The following MYO18B variants were observed in gnomAD, a reference collection of about 807,000 sequenced individuals.
The protein encoded by MYO18B is myosin XVIIIB.
Under a neutral mutation model 273.0 loss-of-function variants are expected in MYO18B, and 204 were observed. That is an observed-to-expected ratio of 0.75 (90% confidence interval 0.67 to 0.84). MYO18B has a LOEUF of 0.84. MYO18B is among the 40% of genes least tolerant of loss of function. The probability of loss-of-function intolerance (pLI) is 0.00; values close to 1 mark genes in which losing one functional copy is unlikely to be tolerated. For missense variants in MYO18B, 3,212 were observed against 3,287.6 expected (o/e 0.98, Z 0.56); for synonymous variants, 1,330 against 1,305.7 (o/e 1.02, Z -0.40).
At chr22:26,008,567 C>T (rs1040701796) in intron 42 of MYO18B, among the ~76,000 whole-genome samples, 5 of 152,218 alleles carry the variant, frequency 3.3e-5, no homozygotes, top group African/African-American at 1.2e-4. Context: ...AAGAGAAATA[C>T]ACCTAAAGCG....
At chr22:25,771,511 T>C (rs2086719614) in intron 6 of MYO18B, among the ~76,000 whole-genome samples, 1 of 152,188 alleles carries the variant, frequency 6.6e-6, no homozygotes, top group Non-Finnish European at 1.5e-5. Flanking sequence ...TGAGGACAAG[T>C]CCCAGTGTAG....
At chr22:26,049,783 C>A in the MYO18B span, among the ~76,000 whole-genome samples, 1 of 152,210 alleles carries the variant, frequency 6.6e-6, no homozygotes, top group African/African-American at 2.4e-5. Context: ...TTAGGCAAAT[C>A]ATGTTACCTC....
intron 8 of MYO18B, 127 bp downstream of exon 8, chr22:25,777,908 A>AT: frequency 1.1e-6 from 1 of 896,382 alleles, no homozygotes; most frequent in Non-Finnish European, 1.6e-6. Flanking sequence ...TGCAGACCCC[A>AT]TGCTTGCTAC....
intron 34 of MYO18B, among the ~76,000 whole-genome samples, chr22:25,942,363 T>C (rs987889941): frequency 6.6e-6 from 1 of 152,248 alleles, no homozygotes; most frequent in African/African-American, 2.4e-5. Context: ...TCTGTCATTT[T>C]ACAGACTCCC....
At chr22:25,848,994 C>T (rs1392225601) in intron 20 of MYO18B, among the ~76,000 whole-genome samples, 4 of 152,344 alleles carry the variant, frequency 2.6e-5, no homozygotes, top group South Asian at 2.1e-4. Context: ...ACCCTCACTC[C>T]GCTGAGCATA....
intron 33 of MYO18B, among the ~76,000 whole-genome samples, chr22:25,917,896 A>G (rs2092286781): frequency 6.6e-6 from 1 of 152,122 alleles, no homozygotes; most frequent in South Asian, 2.1e-4. Flanking sequence ...TTTTACTAAC[A>G]TTAATTTTCA....
intron 27 of MYO18B, chr22:25,892,330 C>G (rs2091683449): frequency 6.6e-6 from 1 of 152,244 alleles, no homozygotes; most frequent in Non-Finnish European, 1.5e-5. Flanking sequence ...GTGTCAGGCG[C>G]ACAACAGTTA....
chr22:25,994,018 G>A (rs923061238), intron 40 of MYO18B, among the ~76,000 whole-genome samples: 2 of 152,040 alleles, frequency 1.3e-5, no homozygotes, highest in Admixed American at 6.5e-5. Context: ...TGTAAGTTAT[G>A]TACTCCATAC....
At chr22:26,046,381 A>G in the MYO18B span, among the ~76,000 whole-genome samples, 2 of 152,144 alleles carry the variant, frequency 1.3e-5, no homozygotes, top group African/African-American at 4.8e-5. Context: ...CTAACTCAGA[A>G]TTTTTCTAAA....
chr22:25,952,041 A>C (rs1458289164), intron 37 of MYO18B, among the ~76,000 whole-genome samples: 2 of 152,214 alleles, frequency 1.3e-5, no homozygotes, highest in African/African-American at 4.8e-5. Flanking sequence ...TTGTGAAGGC[A>C]TAAGAAGCAT....
At chr22:25,975,600 G>T (rs2093080604) in intron 39 of MYO18B, among the ~76,000 whole-genome samples, 1 of 152,172 alleles carries the variant, frequency 6.6e-6, no homozygotes, top group Non-Finnish European at 1.5e-5. Flanking sequence ...GAAGTGATTT[G>T]CCCAAGGCCA....
At chr22:25,783,832 A>G (rs1242349431) in intron 10 of MYO18B, among the ~76,000 whole-genome samples, 21 of 152,210 alleles carry the variant, frequency 1.4e-4, no homozygotes, top group Non-Finnish European at 3.1e-4. Flanking sequence ...GAGAGTGAGT[A>G]AAGTGCTTGG....
At position 25,858,480 on chromosome 22, in the gene MYO18B, A is replaced by G. The variant is rs2090638377; in HGVS notation, c.3885+6901A>G. Among the ~76,000 whole-genome samples, 3 of 152,216 alleles carry G rather than the reference A, an allele frequency of 2.0e-5. No individual in the cohort carries two copies. The South Asian group carries it at 6.2e-4, about 32-fold the overall frequency. ...GGAGTGAGTTGGGGAAGCACTTTGC[A>G]GCTATGGCTCTTCATTATTTCTGGA... On this transcript the variant is annotated intron_variant, in intron 21 of 43. Coordinates refer to ENST00000335473, the MANE Select transcript of MYO18B (RefSeq NM_032608.7).
intron 17 of MYO18B, among the ~76,000 whole-genome samples, chr22:25,839,270 A>G (rs2090012879): frequency 3.9e-5 from 6 of 151,954 alleles, no homozygotes; most frequent in African/African-American, 1.2e-4. Context: ...GCATGTGTGT[A>G]TATGTGTGTG....
chr22:25,934,570 G>A lies in MYO18B; in HGVS notation c.5518-11567G>A, dbSNP rs576189558. ...TCCTGACGAAGTGCCCAAGGTGGTC[G>A]GGGCACAGCTTGGTTTTATACATTT... On this transcript the variant is annotated intron_variant, in intron 34 of 43. Transcript: ENST00000335473. 6.6e-5 allele frequency among the ~76,000 whole-genome samples: 10 copies of A among 152,224 alleles called. 1 individual carries two copies. The South Asian group carries it at 1.2e-3, about 19-fold the overall frequency.
At chr22:25,913,552 TAG>T (rs1166983192) in intron 33 of MYO18B, among the ~76,000 whole-genome samples, 1 of 152,156 alleles carries the variant, frequency 6.6e-6, no homozygotes, top group African/African-American at 2.4e-5. Flanking sequence ...GTATTTTTAG[TAG>T]AGACACAGTT....
intron 12 of MYO18B, among the ~76,000 whole-genome samples, chr22:25,807,882 G>C (rs531758796): frequency 2.8e-4 from 43 of 152,122 alleles, no homozygotes; most frequent in African/African-American, 1.0e-3. Flanking sequence ...GAAAACTGAG[G>C]CTCAGTTTTC....
intron 40 of MYO18B, among the ~76,000 whole-genome samples, chr22:25,996,269 C>T (rs1015991541): frequency 1.4e-4 from 20 of 146,034 alleles, no homozygotes; most frequent in East Asian, 7.8e-4. Context: ...AGGGGCTCAA[C>T]GAGAATCATC....
At chr22:25,926,958 TA>T (rs1319615444) in intron 34 of MYO18B, among the ~76,000 whole-genome samples, 3 of 152,192 alleles carry the variant, frequency 2.0e-5, no homozygotes, top group Non-Finnish European at 4.4e-5. Flanking sequence ...TCTCTAAACA[TA>T]AATTGTAAAG....
Sources: gnomAD v4.1 joint callset for allele counts (sites outside exome capture counted in the v4.1 genomes callset) on GRCh38, gnomAD v4.1.1 for gene constraint, MANE v1.5 for transcripts, NCBI Gene and HGNC (gene_info 2026-07-23, HGNC 2026-07-21) for gene names.